TSHZ3: variants seen among roughly 807,000 people sequenced by gnomAD.
The protein encoded by TSHZ3 is teashirt zinc finger homeobox 3, also known as teashirt homolog 3.
In TSHZ3, 10 loss-of-function variants were observed where a neutral mutation model predicts 64.5. That is an observed-to-expected ratio of 0.16 (90% CI 0.10 to 0.26). The LOEUF is 0.26. Among genes scored for constraint, TSHZ3 ranks in the 10% least tolerant of loss-of-function variants. The pLI is 1.00. For missense variants in TSHZ3, 1,242 were observed against 1,421.7 expected (o/e 0.87, Z 2.03); for synonymous variants, 608 against 593.1 (o/e 1.03, Z -0.36).
At chr19:31,343,838 T>C (rs1306738569) in intron 1 of TSHZ3, among the ~76,000 whole-genome samples, 3 of 152,066 alleles carry the variant, frequency 2.0e-5, no homozygotes, top group African/African-American at 7.2e-5. Context: ...ATAGCCATTG[T>C]TTAGTGGGAT....
At chr19:31,316,351 G>C (rs142137935) in intron 1 of TSHZ3, among the ~76,000 whole-genome samples, 323 of 152,330 alleles carry the variant, frequency 2.1e-3, no homozygotes, top group Non-Finnish European at 2.6e-3. Flanking sequence ...AATTAAAGGG[G>C]AAGACGGCAC....
intron 6 of TSHZ3, among the ~76,000 whole-genome samples, chr19:31,151,910 A>T (rs1366005628): frequency 1.3e-5 from 2 of 152,224 alleles, no homozygotes; most frequent in African/African-American, 4.8e-5. Context: ...ACAATGGATG[A>T]TAATTTAAAG....
intron 1 of TSHZ3, among the ~76,000 whole-genome samples, chr19:31,335,707 C>A (rs1304149729): frequency 6.6e-6 from 1 of 152,230 alleles, no homozygotes; most frequent in Non-Finnish European, 1.5e-5. Context: ...CTTGCCCCAG[C>A]CTCCTGAACA....
At chr19:31,238,312 A>G (rs1376467532) in intron 3 of TSHZ3, among the ~76,000 whole-genome samples, 2 of 150,786 alleles carry the variant, frequency 1.3e-5, no homozygotes, top group African/African-American at 2.5e-5. Context: ...CTGCAGAGCA[A>G]TGGCACAATC....
chr19:31,323,501 T>C (rs1599648453), intron 1 of TSHZ3, among the ~76,000 whole-genome samples: 1 of 152,246 alleles, frequency 6.6e-6, no homozygotes, highest in Admixed American at 6.5e-5. Flanking sequence ...TGCATATTTT[T>C]CCTTTTCTTT....
At chr19:31,174,376 G>T (rs976031225) in intron 5 of TSHZ3, among the ~76,000 whole-genome samples, 3 of 152,212 alleles carry the variant, frequency 2.0e-5, no homozygotes, top group Non-Finnish European at 4.4e-5. Flanking sequence ...TCTTTTTGTT[G>T]TATTCAGGTC....
intron 1 of TSHZ3, among the ~76,000 whole-genome samples, chr19:31,342,140 A>T (rs1371801754): frequency 2.0e-5 from 3 of 152,272 alleles, no homozygotes; most frequent in Non-Finnish European, 4.4e-5. Flanking sequence ...TATAGCAATT[A>T]CATCTAACAG....
intron 1 of TSHZ3, among the ~76,000 whole-genome samples, chr19:31,320,173 G>C (rs1177364254): frequency 6.6e-6 from 1 of 152,162 alleles, no homozygotes; most frequent in Non-Finnish European, 1.5e-5. Flanking sequence ...GACCCAACTT[G>C]AGAATGACAA....
intron 5 of TSHZ3, among the ~76,000 whole-genome samples, chr19:31,177,860 G>A (rs1458780877): frequency 1.3e-5 from 2 of 152,184 alleles, no homozygotes; most frequent in African/African-American, 4.8e-5. Flanking sequence ...AGAGAGGGGA[G>A]GCGGGGACAG....
intron 4 of TSHZ3, among the ~76,000 whole-genome samples, chr19:31,217,132 CTA>C (rs1475865667): frequency 3.9e-5 from 6 of 152,174 alleles, no homozygotes; most frequent in Non-Finnish European, 8.8e-5. Context: ...ACATGAAGGA[CTA>C]TGACACATCC....
rs569673856 is a variant in TSHZ3 at position 31,204,198 on chromosome 19, C to A, written n.809+758G>T. ...ATGAGATTTGGGTGGGGACACAGAG[C>A]AAAACCATATCATCTCCCTTTCTTC... On this transcript the variant is annotated intron_variant and non_coding_transcript_variant, in intron 5 of 6. Transcript: ENST00000651361. 1.8e-4 allele frequency among the ~76,000 whole-genome samples: 27 copies of A among 152,022 alleles called. No homozygotes were observed. In the South Asian group the frequency reaches 5.0e-3, roughly 28 times the overall value.
At chr19:31,339,365 C>T (rs567871105) in intron 1 of TSHZ3, among the ~76,000 whole-genome samples, 2 of 152,146 alleles carry the variant, frequency 1.3e-5, no homozygotes, top group Admixed American at 6.5e-5. Context: ...AATCTCCCAC[C>T]CGCCACGCCA....
chr19:31,170,279 T>C (rs1433820654), intron 5 of TSHZ3, among the ~76,000 whole-genome samples: 1 of 152,168 alleles, frequency 6.6e-6, no homozygotes, highest in Non-Finnish European at 1.5e-5. Flanking sequence ...AGTCCTCACA[T>C]AGGGATTGAT....
At chr19:31,206,506 G>C (rs938037173) in intron 4 of TSHZ3, among the ~76,000 whole-genome samples, 1 of 152,166 alleles carries the variant, frequency 6.6e-6, no homozygotes, top group Non-Finnish European at 1.5e-5. Flanking sequence ...CACAAGTCCA[G>C]GCCTGCAAAA....
intron 1 of TSHZ3, among the ~76,000 whole-genome samples, chr19:31,339,170 T>TA (rs1917349667): frequency 6.6e-6 from 1 of 151,612 alleles, no homozygotes; most frequent in African/African-American, 2.4e-5. Context: ...GCTTGAATGA[T>TA]ACCTGTCAAC....
intron 6 of TSHZ3, among the ~76,000 whole-genome samples, chr19:31,156,022 A>G (rs1050887096): frequency 2.0e-5 from 3 of 152,230 alleles, no homozygotes; most frequent in Non-Finnish European, 4.4e-5. Flanking sequence ...AATCTGGCTC[A>G]ACTATTGGAA....
chr19:31,238,067 G>C lies in TSHZ3; in HGVS notation n.550+4202C>G, dbSNP rs919528003. Among the ~76,000 whole-genome samples the C allele has an allele frequency of 1.9e-4, 29 of 152,176 alleles. No individual in the cohort carries two copies. The East Asian group carries it at 5.2e-3, about 27-fold the overall frequency. On this transcript the variant is annotated intron_variant and non_coding_transcript_variant, in intron 3 of 6. Transcript: ENST00000651361. ...TGCATTTGAAAATAATACATATTCTGCAGGTGTTTGTGGTAGTTCTATAAT... is the reference window on the plus strand; with the variant it reads ...TGCATTTGAAAATAATACATATTCTCCAGGTGTTTGTGGTAGTTCTATAAT...
chr19:31,349,499 A>C (rs1465000832), upstream of TSHZ3: 1 of 327,484 alleles, frequency 3.1e-6, no homozygotes, highest in Non-Finnish European at 5.4e-6. Flanking sequence ...GCAGAGGAGG[A>C]GGAGGTGGAG....
chr19:31,309,713 G>A (rs570790166), intron 1 of TSHZ3, among the ~76,000 whole-genome samples: 2 of 152,160 alleles, frequency 1.3e-5, no homozygotes, highest in Non-Finnish European at 2.9e-5. Context: ...GAGGAATGAC[G>A]GCTCCTAAGA....
Sources: allele counts gnomAD v4.1 joint callset (sites outside exome capture counted in the v4.1 genomes callset), GRCh38; gene constraint gnomAD v4.1.1; transcripts MANE v1.5; gene names NCBI Gene and HGNC (gene_info 2026-07-23, HGNC 2026-07-21).